SCUBE2: variants seen among roughly 807,000 people sequenced by gnomAD.
SCUBE2 encodes signal peptide, CUB domain and EGF like domain containing 2.
In SCUBE2, 114 loss-of-function variants were observed where a neutral mutation model predicts 125.9. That is an observed-to-expected ratio of 0.91 (90% CI 0.78 to 1.06). SCUBE2 has a LOEUF of 1.06. SCUBE2 is among the 50% of genes least tolerant of loss of function. The pLI, the probability that SCUBE2 is intolerant of heterozygous loss-of-function variation, is 0.00. For missense variants in SCUBE2, 1,255 were observed against 1,301.8 expected (o/e 0.96, Z 0.55); for synonymous variants, 459 against 492.9 (o/e 0.93, Z 0.91).
At chr11:9,072,917 T>TA (rs1184715234) in intron 4 of SCUBE2, among the ~76,000 whole-genome samples, 40 of 152,336 alleles carry the variant, frequency 2.6e-4, no homozygotes, top group Admixed American at 5.9e-4. Context: ...TCCGGGGGCT[T>TA]GCAGGAGGGG....
At chr11:9,035,032 G>A (rs957609938) in intron 16 of SCUBE2, among the ~76,000 whole-genome samples, 4 of 152,134 alleles carry the variant, frequency 2.6e-5, no homozygotes, top group Non-Finnish European at 4.4e-5. Context: ...AAGTGTAAAT[G>A]CTGGTAAATA....
intron 14 of SCUBE2, among the ~76,000 whole-genome samples, chr11:9,048,325 C>A (rs1455673859): frequency 6.6e-6 from 1 of 152,200 alleles, no homozygotes; most frequent in Admixed American, 6.5e-5. Flanking sequence ...CTTGAAAATT[C>A]TTTTCATGAA....
chr11:9,086,796 T>C (rs1213216877), intron 2 of SCUBE2, among the ~76,000 whole-genome samples: 1 of 141,304 alleles, frequency 7.1e-6, no homozygotes, highest in Non-Finnish European at 1.5e-5. Context: ...GAGGTTGCAG[T>C]GAGCCAAGAC....
chr11:9,065,993 C>A lies in SCUBE2; in HGVS notation c.761-13G>T. 1 of 1,592,254 alleles carries A rather than the reference C, an allele frequency of 6.3e-7. No homozygotes were observed. Among genetic ancestry groups the A allele is most frequent in the Non-Finnish European group, 8.6e-7 (1 of 1,160,614 alleles). ...GTGTCCTCTCGCTCTACAAGAGAAGCAAAAGAGCACGGTTCTCAGACTGAA... is the reference window on the plus strand; with the variant it reads ...GTGTCCTCTCGCTCTACAAGAGAAGAAAAAGAGCACGGTTCTCAGACTGAA... On this transcript the variant is annotated splice_polypyrimidine_tract_variant and intron_variant, in intron 6 of 22. Coordinates refer to ENST00000649792, the MANE Select transcript of SCUBE2 (RefSeq NM_001367977.2).
chr11:9,050,852 T>TAGGAGA, intron 13 of SCUBE2, 142 bp from the exon 14 acceptor site: 1 of 693,136 alleles, frequency 1.4e-6, no homozygotes, highest in Non-Finnish European at 2.6e-6. Context: ...AGGCTAAGAG[T>TAGGAGA]GGCTTGGATC....
At chr11:9,056,336 G>A (rs141886683) in intron 9 of SCUBE2, among the ~76,000 whole-genome samples, 1 of 152,320 alleles carries the variant, frequency 6.6e-6, no homozygotes, top group East Asian at 1.9e-4. Flanking sequence ...AAATTGAAAG[G>A]AGAAAACACT....
chr11:9,061,457 G>A (rs1219977835), intron 7 of SCUBE2, among the ~76,000 whole-genome samples: 2 of 152,012 alleles, frequency 1.3e-5, no homozygotes, highest in Non-Finnish European at 2.9e-5. Context: ...TACTCGGGAG[G>A]CTGAAGCAGG....
chr11:9,023,697 A>T (rs1026281581), intron 21 of SCUBE2, among the ~76,000 whole-genome samples: 3 of 152,236 alleles, frequency 2.0e-5, no homozygotes, highest in Admixed American at 2.0e-4. Flanking sequence ...TTGCTTTGCA[A>T]CCTTGCCATG....
chr11:9,033,916 C>A, intron 16 of SCUBE2, 120 bp from the exon 17 acceptor site: 1 of 928,604 alleles, frequency 1.1e-6, no homozygotes. Flanking sequence ...CATGCAAACT[C>A]CCTGAATACG....
At position 9,052,729 on chromosome 11, in the gene SCUBE2, G is replaced by A. The variant is rs550108266; in HGVS notation, c.1534+17C>T. The A allele has an allele frequency of 4.6e-6, 7 of 1,518,770 alleles. No individual in the cohort carries two copies. The Admixed American group carries it at 9.8e-5, about 21-fold the overall frequency. The allele number at this position is 1,518,770 out of a possible 1,614,324, so 94.1% of individuals were successfully genotyped here. A position where few individuals can be genotyped will look rare whatever the true frequency, so the allele number is the denominator to read the frequency against. Reference sequence around the variant, plus strand: ...CACAGTGAGCCCCCAGAGAGAACACGCAGATTTGGTAATTACCCCCAAAAG... The same window carrying A: ...CACAGTGAGCCCCCAGAGAGAACACACAGATTTGGTAATTACCCCCAAAAG... On this transcript the variant is annotated intron_variant, in intron 13 of 22. Transcript: ENST00000649792.
At chr11:9,080,818 C>T (rs1054762485) in intron 2 of SCUBE2, among the ~76,000 whole-genome samples, 2 of 151,782 alleles carry the variant, frequency 1.3e-5, no homozygotes, top group Non-Finnish European at 1.5e-5. Context: ...AAAATGAAGA[C>T]AAGCCACAGA....
chr11:9,043,515 A>G (rs1258082907), intron 16 of SCUBE2, among the ~76,000 whole-genome samples: 1 of 151,990 alleles, frequency 6.6e-6, no homozygotes, highest in Non-Finnish European at 1.5e-5. Flanking sequence ...TACAAAGGTC[A>G]CTTGGAGAGC....
intron 2 of SCUBE2, among the ~76,000 whole-genome samples, chr11:9,089,342 C>T (rs958047817): frequency 6.6e-6 from 1 of 152,178 alleles, no homozygotes; most frequent in Non-Finnish European, 1.5e-5. Context: ...AGGTACAAAC[C>T]GCCCCAGGGA....
intron 11 of SCUBE2, 86 bp from the exon 12 acceptor site, chr11:9,053,301 C>T: frequency 1.8e-6 from 2 of 1,121,864 alleles, no homozygotes; most frequent in Non-Finnish European, 2.7e-6. Context: ...CACCAAAGGC[C>T]CCAAGAAAAG....
In SCUBE2 at chr11:9,059,273, GCGC is replaced by G; in HGVS notation, c.1090+27_1090+29del. The G allele has an allele frequency of 3.7e-6, 6 of 1,610,264 alleles. No homozygotes were observed. In the South Asian group the frequency reaches 5.5e-5, roughly 15 times the overall value. ...TCTCTGCTCCAACCTGTGGGCCATT[GCGC>G]AGCACAGCTATGTTTTCAGCACATA... On this transcript the variant is annotated intron_variant, in intron 9 of 22. Coordinates refer to ENST00000649792, the MANE Select transcript of SCUBE2 (RefSeq NM_001367977.2).
At chr11:9,028,566 GCTCATTATTTAATA>G (rs1855994640) in intron 19 of SCUBE2, among the ~76,000 whole-genome samples, 1 of 152,188 alleles carries the variant, frequency 6.6e-6, no homozygotes, top group Admixed American at 6.5e-5. Flanking sequence ...CTCTCAAGGA[GCTCATTATTTAATA>G]CTGTCAGGTA....
Position 9,039,563 on chromosome 11 carries a change from G to C in SCUBE2, c.2003-5767C>G, listed in dbSNP as rs56344312. ...TAGGAAGGCACGGGTTCTACTGTTG[G>C]TCTCTGAGGCGGAATACTACACCTC... On this transcript the variant is annotated intron_variant, in intron 16 of 22. Transcript: ENST00000649792. Among the ~76,000 whole-genome samples, 506 of 152,320 alleles carry C rather than the reference G, an allele frequency of 3.3e-3. 1 individual carries two copies. The highest frequency in any genetic ancestry group is 6.2e-3 in the Non-Finnish European group (423 of 68,024).
chr11:9,038,680 G>C (rs995076220), intron 16 of SCUBE2, among the ~76,000 whole-genome samples: 1 of 152,148 alleles, frequency 6.6e-6, no homozygotes, highest in Non-Finnish European at 1.5e-5. Context: ...CTTGCAATGA[G>C]ATTGCCTAAT....
intron 16 of SCUBE2, among the ~76,000 whole-genome samples, chr11:9,038,559 G>A (rs1386599425): frequency 1.3e-5 from 2 of 152,264 alleles, no homozygotes; most frequent in East Asian, 1.9e-4. Flanking sequence ...AGGTTGCAAT[G>A]AGCCAAAATC....
Sources: allele counts gnomAD v4.1 joint callset (sites outside exome capture counted in the v4.1 genomes callset), GRCh38; gene constraint gnomAD v4.1.1; transcripts MANE v1.5; gene names NCBI Gene and HGNC (gene_info 2026-07-23, HGNC 2026-07-21).